The following TBX1 variants were observed in gnomAD, a reference collection of about 807,000 sequenced individuals.
TBX1 encodes T-box transcription factor 1.
In TBX1, 16 loss-of-function variants were observed where a neutral mutation model predicts 40.8. The observed-to-expected ratio is 0.39, with a 90% CI of 0.27 to 0.60. The LOEUF (loss-of-function observed/expected upper bound fraction) is 0.60, where lower values mean the gene tolerates loss of function less well. TBX1 is among the 20% of genes least tolerant of loss of function. The pLI, the probability that TBX1 is intolerant of heterozygous loss-of-function variation, is 0.51. For synonymous variants in TBX1, 403 were observed against 336.8 expected, an observed-to-expected ratio of 1.20 and a Z score of -2.15; for missense variants, 755 against 728.5, an observed-to-expected ratio of 1.04 and a Z score of -0.42.
At chr22:19,759,416 GTGGGC>G (rs1227190742), upstream of TBX1, 66 of 1,285,730 alleles carry the variant, frequency 5.1e-5, no homozygotes, top group East Asian at 6.3e-5. Flanking sequence ...CCCGGACTCC[GTGGGC>G]TGGGCTGGGC....
Position 19,764,212 on chromosome 22 carries a change from A to G in TBX1, c.597A>G (p.Pro199=). ...LVAGKADPAT[P]GRVHYHPDSP... is the part of the protein sequence containing the mutation. Reference sequence around the variant, plus strand: ...CGGGGAAGGCCGACCCTGCCACGCCAGGCCGCGTGCACTACCACCCGGACT... The same window carrying G: ...CGGGGAAGGCCGACCCTGCCACGCCGGGCCGCGTGCACTACCACCCGGACT... Residue 199 remains proline, a synonymous_variant, in exon 3 of 7, where the codon CCA becomes CCG. Coordinates refer to ENST00000649276, the MANE Select transcript of TBX1 (RefSeq NM_001379200.1). 1 of 1,612,972 alleles carries G rather than the reference A, an allele frequency of 6.2e-7. No individual in the cohort carries two copies. The highest frequency in any genetic ancestry group is 8.5e-7 in the Non-Finnish European group (1 of 1,179,924).
chr22:19,760,094 A>G (rs1424960255), upstream of TBX1, among the ~76,000 whole-genome samples: 1 of 152,194 alleles, frequency 6.6e-6, no homozygotes, highest in African/African-American at 2.4e-5. Flanking sequence ...AAGGTAGGGG[A>G]GAAACAGAAG....
At chr22:19,762,075 C>T (rs1010493479) in intron 1 of TBX1, among the ~76,000 whole-genome samples, 1 of 152,254 alleles carries the variant, frequency 6.6e-6, no homozygotes, top group African/African-American at 2.4e-5. Context: ...GTTTCTGTTT[C>T]CCTGCTGCCG....
chr22:19,764,893 G>C, intron 3 of TBX1, 65 bp from the exon 4 acceptor site: 2 of 1,600,378 alleles, frequency 1.2e-6, no homozygotes, highest in Non-Finnish European at 1.7e-6. Flanking sequence ...CCCATTTCCT[G>C]GCTCCCACCC....
At position 19,766,447 on chromosome 22, in the gene TBX1, G is replaced by T; in HGVS notation, c.1095G>T (p.Gly365=). The T allele has an allele frequency of 7.5e-7, 1 of 1,338,898 alleles. No homozygotes were observed. Among genetic ancestry groups the T allele is most frequent in the Non-Finnish European group, 9.6e-7 (1 of 1,040,442 alleles). The allele number at this position is 1,338,898 out of a possible 1,614,324, so 82.9% of individuals were successfully genotyped here. A position where few individuals can be genotyped will look rare whatever the true frequency, so the allele number is the denominator to read the frequency against. Residue 365 remains glycine, a synonymous_variant, in exon 7 of 7, where the codon GGG becomes GGT. Transcript: ENST00000649276. ...ACGCGGGCGGGCCAGCAGTGCTCGG[G>T]GACCCGGCGCATCCTCCGCAGCTGC... The part of the protein sequence containing the change: ...QRDAGGPAVL[G]DPAHPPQLLA...
upstream of TBX1, among the ~76,000 whole-genome samples, chr22:19,759,099 G>C (rs1253735444): frequency 6.6e-6 from 1 of 152,212 alleles, no homozygotes; most frequent in East Asian, 1.9e-4. Flanking sequence ...CCTCGGGCTA[G>C]GGCTGGGTGC....
At chr22:19,778,413 T>C (rs768008927) in intron 8 of TBX1, among the ~76,000 whole-genome samples, 2 of 151,352 alleles carry the variant, frequency 1.3e-5, no homozygotes, top group Non-Finnish European at 2.9e-5. Flanking sequence ...TGCTCCTTAT[T>C]TCTTTTCTTT....
intron 1 of TBX1, among the ~76,000 whole-genome samples, chr22:19,761,886 A>C (rs1601284995): frequency 6.6e-6 from 1 of 152,176 alleles, no homozygotes; most frequent in Middle Eastern, 3.4e-3. Flanking sequence ...GCGGCCCGTC[A>C]CCTCCCAACC....
intron 8 of TBX1, among the ~76,000 whole-genome samples, chr22:19,778,345 C>G (rs900175670): frequency 6.6e-6 from 1 of 152,194 alleles, no homozygotes; most frequent in South Asian, 2.1e-4. Flanking sequence ...AAGTGATCCT[C>G]CCGCTTTTGC....
downstream of TBX1, chr22:19,767,447 C>T (rs368872332): frequency 1.0e-6 from 1 of 954,090 alleles, no homozygotes; most frequent in Admixed American, 6.2e-5. Context: ...CAATCCCTGC[C>T]GACTGTAGGT....
chr22:19,767,453 T>C, downstream of TBX1: 1 of 937,974 alleles, frequency 1.1e-6, no homozygotes, highest in Non-Finnish European at 1.3e-6. Context: ...CTGCCGACTG[T>C]AGGTCGGTCC....
rs2145827175 is a variant in TBX1, at chr22:19,760,785, C to T, written c.-59C>T. The T allele has an allele frequency of 3.9e-6, 2 of 514,596 alleles. No individual in the cohort carries two copies. Among genetic ancestry groups the T allele is most frequent in the Non-Finnish European group, 5.0e-6 (2 of 404,028 alleles). The allele number at this position is 514,596 out of a possible 1,614,324, so 31.9% of individuals were successfully genotyped here. On this transcript the variant is annotated 5_prime_UTR_variant, in exon 1 of 7. Coordinates refer to ENST00000649276, the MANE Select transcript of TBX1 (RefSeq NM_001379200.1). ...CGCAGCGCGGCGCCCGCCACTCGGC[C>T]CGCGGCGCGGGGCAGCGCTCAGCTT...
At chr22:19,763,856 C>T (rs569235366) in intron 2 of TBX1, among the ~76,000 whole-genome samples, 16 of 152,300 alleles carry the variant, frequency 1.1e-4, no homozygotes, top group Admixed American at 6.5e-4. Context: ...CCCACCGCAG[C>T]GGCACCGGGG....
At chr22:19,768,509 C>T (rs1056869983), downstream of TBX1, among the ~76,000 whole-genome samples, 1 of 152,184 alleles carries the variant, frequency 6.6e-6, no homozygotes, top group Non-Finnish European at 1.5e-5. Context: ...TCTGCCCAGG[C>T]TCCGTGAGCA....
At chr22:19,759,784 G>A, upstream of TBX1, 1 of 1,315,332 alleles carries the variant, frequency 7.6e-7, no homozygotes, top group Non-Finnish European at 1.1e-6. Context: ...GGTAGCGTGG[G>A]CTCCAGGCTT....
chr22:19,761,966 T>A (rs1029078908), intron 1 of TBX1, among the ~76,000 whole-genome samples: 3 of 152,228 alleles, frequency 2.0e-5, no homozygotes, highest in Non-Finnish European at 2.9e-5. Context: ...ATTTGACCGG[T>A]AGACAAAGGC....
At chr22:19,768,890 T>TGCAAGA (rs1936936641), downstream of TBX1, among the ~76,000 whole-genome samples, 1 of 149,558 alleles carries the variant, frequency 6.7e-6, no homozygotes, top group Non-Finnish European at 1.5e-5. Flanking sequence ...GGGATGGCCA[T>TGCAAGA]GCAAGATGGA....
intron 4 of TBX1, 111 bp from the exon 5 acceptor site, chr22:19,765,647 C>T: frequency 8.4e-7 from 1 of 1,194,096 alleles, no homozygotes. Flanking sequence ...CTTGTCAGGG[C>T]AGCAGAAAGG....
intron 8 of TBX1, among the ~76,000 whole-genome samples, chr22:19,773,684 A>C (rs909965773): frequency 1.3e-5 from 2 of 152,200 alleles, no homozygotes; most frequent in Admixed American, 1.3e-4. Context: ...CTCAGGCCTC[A>C]CACAGTCCTG....
Sources: allele counts gnomAD v4.1 joint callset (sites outside exome capture counted in the v4.1 genomes callset), GRCh38; gene constraint gnomAD v4.1.1; transcripts MANE v1.5; gene names NCBI Gene and HGNC (gene_info 2026-07-23, HGNC 2026-07-21).